The following CDR2 variants were observed in gnomAD, a reference collection of about 807,000 sequenced individuals.
CDR2 encodes the protein cerebellar degeneration related protein 2, also known as cerebellar degeneration-related protein 2.
Under a neutral mutation model 48.4 loss-of-function variants are expected in CDR2, and 34 were observed. That is an observed-to-expected ratio of 0.70 (90% confidence interval 0.53 to 0.94). The LOEUF is 0.94. Among genes scored for constraint, CDR2 ranks in the 40% least tolerant of loss-of-function variants. The pLI, the probability that CDR2 is intolerant of heterozygous loss-of-function variation, is 0.00. For synonymous variants in CDR2, 240 were observed against 219.7 expected, an observed-to-expected ratio of 1.09 and a Z score of -0.82; for missense variants, 498 against 549.5, an observed-to-expected ratio of 0.91 and a Z score of 0.94.
chr16:22,364,103 C>T (rs1483847192), intron 2 of CDR2, among the ~76,000 whole-genome samples: 1 of 152,032 alleles, frequency 6.6e-6, no homozygotes, highest in Non-Finnish European at 1.5e-5. Context: ...CCACACCAGC[C>T]TAATTTTTGT....
At chr16:22,365,620 T>C (rs1326611325) in intron 1 of CDR2, among the ~76,000 whole-genome samples, 1 of 152,210 alleles carries the variant, frequency 6.6e-6, no homozygotes, top group African/African-American at 2.4e-5. Flanking sequence ...GGTAATTACA[T>C]GTCAGTAGCT....
intron 3 of CDR2, 24 bp from the exon 4 acceptor site, chr16:22,349,467 C>T (rs771827542): frequency 1.2e-6 from 2 of 1,613,322 alleles, no homozygotes; most frequent in African/African-American, 1.3e-5. Flanking sequence ...ACAGAAGCCA[C>T]TGCTGCTTGT....
Position 22,347,120 on chromosome 16 carries a change from C to A in CDR2, c.1210G>T (p.Glu404Ter). 1 of 1,614,234 alleles carries A rather than the reference C, an allele frequency of 6.2e-7. No individual in the cohort carries two copies. The highest frequency in any genetic ancestry group is 1.1e-5 in the South Asian group (1 of 91,088). ...GGCTCTGGGTTGACAGAGGCCAGTTCCCAGCCGCTGGCAACAGGCTCAGAC... is the reference window on the plus strand; with the variant it reads ...GGCTCTGGGTTGACAGAGGCCAGTTACCAGCCGCTGGCAACAGGCTCAGAC... ...AQSEPVASGWELASVNPEPVS... is the reference protein window; with the variant it reads ...AQSEPVASGW The change falls in exon 5 of 5, where the codon GAA (glutamate) becomes TAA (stop). Residue 404 changes from glutamate (E) to a stop codon, truncating the protein, a stop_gained. Coordinates refer to ENST00000268383, the MANE Select transcript of CDR2 (RefSeq NM_001802.2). LOFTEE classifies it high-confidence loss of function.
chr16:22,353,614 G>T (rs1443745994), intron 2 of CDR2, among the ~76,000 whole-genome samples: 1 of 152,058 alleles, frequency 6.6e-6, no homozygotes, highest in Non-Finnish European at 1.5e-5. Flanking sequence ...AGCACCAGAG[G>T]AATCCACACT....
chr16:22,349,230 T>TG, intron 4 of CDR2, 49 bp downstream of exon 4: 2 of 1,588,786 alleles, frequency 1.3e-6, no homozygotes, highest in Non-Finnish European at 1.7e-6. Flanking sequence ...AATGTGCCAA[T>TG]GACATGAGAC....
At chr16:22,355,662 G>A (rs1033822017) in intron 2 of CDR2, among the ~76,000 whole-genome samples, 1 of 152,194 alleles carries the variant, frequency 6.6e-6, no homozygotes, top group African/African-American at 2.4e-5. Context: ...TCTGACTTCT[G>A]AGAAATTAGA....
chr16:22,348,660 T>TG (rs1296827002), intron 4 of CDR2, among the ~76,000 whole-genome samples: 16 of 152,340 alleles, frequency 1.1e-4, no homozygotes, highest in Admixed American at 8.5e-4. Context: ...ATTTGCATTT[T>TG]GAAAAACCCC....
chr16:22,352,548 A>G (rs2141844725), intron 2 of CDR2, among the ~76,000 whole-genome samples: 1 of 152,190 alleles, frequency 6.6e-6, no homozygotes, highest in East Asian at 1.9e-4. Context: ...ACCTTATAAT[A>G]CCTGTGAGGT....
rs751838968 is a variant in CDR2, at chr16:22,349,372, G to A, written c.413C>T (p.Ser138Leu). The A allele has an allele frequency of 8.7e-6, 14 of 1,614,138 alleles. No homozygotes were observed. The highest frequency in any genetic ancestry group is 3.3e-4 in the Middle Eastern group (2 of 6,062). Residue 138 changes from serine to leucine, a missense_variant, in exon 4 of 5, where the codon TCA becomes TTA. By Grantham distance (145) the Ser-to-Leu change is moderately radical. Transcript: ENST00000268383. ...CGGGCTCCTTCTCCCTTGGCCAGATGACTTCAGCTCCTCCACTTGGCTCTG... is the reference window on the plus strand; with the variant it reads ...CGGGCTCCTTCTCCCTTGGCCAGATAACTTCAGCTCCTCCACTTGGCTCTG... ...HLQSQVEELKSSGQGRRSPGK... is the reference protein window; with the variant it reads ...HLQSQVEELKLSGQGRRSPGK...
intron 2 of CDR2, among the ~76,000 whole-genome samples, chr16:22,357,641 G>T (rs2048984067): frequency 6.6e-6 from 1 of 152,110 alleles, no homozygotes; most frequent in African/African-American, 2.4e-5. Context: ...GGCAGCAATT[G>T]CCCCGGTAAT....
chr16:22,347,117 G>C lies in CDR2; in HGVS notation c.1213C>G (p.Leu405Val), dbSNP rs1276338071. Residue 405 changes from leucine to valine, a missense_variant, in exon 5 of 5, where the codon CTG becomes GTG. Transcript: ENST00000268383. ...ACGGGCTCTGGGTTGACAGAGGCCA[G>C]TTCCCAGCCGCTGGCAACAGGCTCA... ...QSEPVASGWE[L>V]ASVNPEPVSS... The C allele has an allele frequency of 6.2e-7, 1 of 1,614,252 alleles. No individual in the cohort carries two copies. The highest frequency in any genetic ancestry group is 8.5e-7 in the Non-Finnish European group (1 of 1,180,036).
In CDR2 at chr16:22,364,972, C is replaced by G; in HGVS notation, c.122G>C (p.Arg41Pro). Residue 41 changes from arginine (R) to proline (P), a missense_variant, in exon 2 of 5, where the codon CGG (arginine) becomes CCG (proline). Arg to Pro is a moderately radical substitution (Grantham distance 103). Transcript: ENST00000268383. Reference protein sequence around the residue: ...AAELGKTLLDRNTELEDSVQQ... With the variant: ...AAELGKTLLDPNTELEDSVQQ... ...AACAGAGTCCTCCAACTCTGTGTTCCGATCCAGTAATGTCTTCCCAAGCTC... is the reference window on the plus strand; with the variant it reads ...AACAGAGTCCTCCAACTCTGTGTTCGGATCCAGTAATGTCTTCCCAAGCTC... 6.2e-7 allele frequency: 1 copy of G among 1,613,594 alleles called. No homozygotes were observed. The highest frequency in any genetic ancestry group is 8.5e-7 in the Non-Finnish European group (1 of 1,179,556).
At chr16:22,350,677 G>C (rs2048936288) in intron 2 of CDR2, among the ~76,000 whole-genome samples, 1 of 152,118 alleles carries the variant, frequency 6.6e-6, no homozygotes, top group African/African-American at 2.4e-5. Context: ...TCCTTTATAT[G>C]CTTAGCTCCT....
At chr16:22,357,417 C>T (rs2048982344) in intron 2 of CDR2, among the ~76,000 whole-genome samples, 1 of 152,022 alleles carries the variant, frequency 6.6e-6, no homozygotes, top group South Asian at 2.1e-4. Flanking sequence ...CAGTAGGGGA[C>T]AAAAAAATAC....
chr16:22,350,075 G>A (rs1767189544), intron 2 of CDR2, among the ~76,000 whole-genome samples: 2 of 152,020 alleles, frequency 1.3e-5, no homozygotes, highest in African/African-American at 4.8e-5. Flanking sequence ...TGTAATCCCA[G>A]CTACTTGGGA....
intron 2 of CDR2, among the ~76,000 whole-genome samples, chr16:22,362,662 T>C (rs1166252074): frequency 2.0e-5 from 3 of 152,256 alleles, no homozygotes; most frequent in Admixed American, 6.5e-5. Flanking sequence ...TTTAGGACTA[T>C]TCTGAAATCT....
chr16:22,349,662 TC>T (rs2048929047), intron 3 of CDR2, 38 bp downstream of exon 3: 4 of 1,604,506 alleles, frequency 2.5e-6, no homozygotes, highest in Non-Finnish European at 1.7e-6. Context: ...CTAAAGAACT[TC>T]CCCCTAGTCC....
intron 1 of CDR2, chr16:22,366,924 G>A (rs371031649): frequency 6.6e-6 from 1 of 152,388 alleles, no homozygotes; most frequent in African/African-American, 2.4e-5. Context: ...GACATGTTTT[G>A]AAAGTAAAGC....
chr16:22,355,519 C>A (rs1207642004), intron 2 of CDR2, among the ~76,000 whole-genome samples: 2 of 152,186 alleles, frequency 1.3e-5, no homozygotes, highest in Non-Finnish European at 2.9e-5. Flanking sequence ...CTTTCAAGTA[C>A]TAATAGATCT....
Sources: gnomAD v4.1 joint callset for allele counts (sites outside exome capture counted in the v4.1 genomes callset) on GRCh38, gnomAD v4.1.1 for gene constraint, MANE v1.5 for transcripts, NCBI Gene and HGNC (gene_info 2026-07-23, HGNC 2026-07-21) for gene names.